Variants in LCORL observed in about 807,000 individuals in gnomAD.
The protein encoded by LCORL is ligand dependent nuclear receptor corepressor like, also known as ligand-dependent nuclear receptor corepressor-like protein.
Under a neutral mutation model 141.8 loss-of-function variants are expected in LCORL, and 41 were observed. That is an observed-to-expected ratio of 0.29 (90% CI 0.23 to 0.38). The LOEUF (loss-of-function observed/expected upper bound fraction) is 0.38, where lower values mean the gene tolerates loss of function less well. Among genes scored for constraint, LCORL ranks in the 10% least tolerant of loss-of-function variants. The pLI is 1.00. For missense variants in LCORL, 1,759 were observed against 2,035.0 expected (o/e 0.86, Z 2.61); for synonymous variants, 618 against 694.1 (o/e 0.89, Z 1.72).
intron 7 of LCORL, among the ~76,000 whole-genome samples, chr4:17,859,045 G>GA (rs933454298): frequency 6.6e-6 from 1 of 152,186 alleles, no homozygotes; most frequent in African/African-American, 2.4e-5. Context: ...TTAACTTAGA[G>GA]TTTTTCAACT....
chr4:17,911,329 GCATATTATAAAAAACCT>G (rs1178614287), intron 4 of LCORL, among the ~76,000 whole-genome samples: 25 of 151,988 alleles, frequency 1.6e-4, no homozygotes, highest in African/African-American at 6.0e-4. Flanking sequence ...CATGGAAAAC[GCATATTATAAAAAACCT>G]ATGCATAGGT....
At chr4:17,854,856 C>G (rs1724170418) in intron 7 of LCORL, among the ~76,000 whole-genome samples, 1 of 152,130 alleles carries the variant, frequency 6.6e-6, no homozygotes, top group African/African-American at 2.4e-5. Flanking sequence ...GAACCAGACT[C>G]TGAAGACCAA....
chr4:18,011,138 C>T (rs1216257206), intron 1 of LCORL, among the ~76,000 whole-genome samples: 1 of 152,166 alleles, frequency 6.6e-6, no homozygotes. Context: ...GACCACCTGA[C>T]TCCCCCATCA....
At chr4:17,876,998 G>A in exon 7 of LCORL, 1 of 1,230,520 alleles carries the variant, frequency 8.1e-7, no homozygotes, top group Non-Finnish European at 1.0e-6. Flanking sequence ...ATTCTCCTTT[G>A]TCTGATGAAG....
At chr4:17,879,679 A>G (rs1220705969) in intron 6 of LCORL, among the ~76,000 whole-genome samples, 1 of 151,026 alleles carries the variant, frequency 6.6e-6, no homozygotes, top group Non-Finnish European at 1.5e-5. Flanking sequence ...ATGGTTAACT[A>G]CCAAAGATTA....
chr4:18,013,661 T>C (rs1577737825), intron 1 of LCORL, among the ~76,000 whole-genome samples: 1 of 152,208 alleles, frequency 6.6e-6, no homozygotes, highest in Non-Finnish European at 1.5e-5. Flanking sequence ...AAACAGTTTA[T>C]AATTTAAACA....
intron 3 of LCORL, 149 bp downstream of exon 3, chr4:17,962,821 T>C: frequency 4.8e-6 from 2 of 419,950 alleles, no homozygotes; most frequent in Middle Eastern, 6.5e-4. Flanking sequence ...ATTTCTAATA[T>C]GACTTTAAAA....
At chr4:17,909,168 T>A (rs779667182) in exon 5 of LCORL, 6 of 1,612,902 alleles carry the variant, frequency 3.7e-6, no homozygotes, top group Admixed American at 1.7e-5. Context: ...CTGAAGGGAG[T>A]TTTCTGCTTG....
At chr4:17,889,338 T>C (rs1048805520) in intron 5 of LCORL, among the ~76,000 whole-genome samples, 5 of 152,094 alleles carry the variant, frequency 3.3e-5, no homozygotes, top group African/African-American at 1.2e-4. Context: ...ATCTAGGCTA[T>C]GTTAAAAGTT....
At chr4:17,912,163 A>G in intron 4 of LCORL, 1 of 1,021,440 alleles carries the variant, frequency 9.8e-7, no homozygotes, top group Non-Finnish European at 1.5e-6. Flanking sequence ...GCAGATCGAC[A>G]ATGCCCGTCT....
At chr4:17,985,218 A>G (rs1341652048) in intron 1 of LCORL, among the ~76,000 whole-genome samples, 1 of 152,014 alleles carries the variant, frequency 6.6e-6, no homozygotes, top group Non-Finnish European at 1.5e-5. Flanking sequence ...GTGATGTGCC[A>G]TGTGGTGATG....
intron 7 of LCORL, among the ~76,000 whole-genome samples, chr4:17,850,800 A>G (rs1723573198): frequency 6.6e-6 from 1 of 152,024 alleles, no homozygotes; most frequent in South Asian, 2.1e-4. Flanking sequence ...AGGATTATAA[A>G]TCATGCTGCT....
At chr4:17,901,868 G>A (rs935920809) in intron 5 of LCORL, among the ~76,000 whole-genome samples, 3 of 151,948 alleles carry the variant, frequency 2.0e-5, no homozygotes, top group African/African-American at 7.2e-5. Flanking sequence ...AAACAATATA[G>A]GATATTATAT....
intron 2 of LCORL, among the ~76,000 whole-genome samples, chr4:17,963,546 C>T (rs1413488644): frequency 6.6e-6 from 1 of 151,764 alleles, no homozygotes; most frequent in Non-Finnish European, 1.5e-5. Flanking sequence ...AAAGTCAGAA[C>T]AGATTTTTAT....
chr4:17,938,326 C>T (rs1737220636), intron 4 of LCORL, among the ~76,000 whole-genome samples: 1 of 151,574 alleles, frequency 6.6e-6, no homozygotes, highest in Non-Finnish European at 1.5e-5. Flanking sequence ...AACTTCTATC[C>T]TACTGGACTT....
chr4:17,961,005 C>T (rs549949496), intron 4 of LCORL, among the ~76,000 whole-genome samples: 1 of 152,150 alleles, frequency 6.6e-6, no homozygotes, highest in South Asian at 2.1e-4. Flanking sequence ...CAGTCAAGTA[C>T]TATTTTAAAC....
exon 7 of LCORL, chr4:17,876,526 T>C (rs1726941129): frequency 1.6e-6 from 2 of 1,230,860 alleles, no homozygotes; most frequent in Admixed American, 4.2e-5. Context: ...TTTAGGTCTA[T>C]ATTGTGTGAG....
At chr4:17,952,036 C>T (rs539951787) in intron 4 of LCORL, among the ~76,000 whole-genome samples, 171 of 152,282 alleles carry the variant, frequency 1.1e-3, no homozygotes, top group African/African-American at 4.1e-3. Flanking sequence ...CACTATAATA[C>T]TAACCAGTCA....
intron 6 of LCORL, chr4:17,883,100 A>C (rs1727792322): frequency 1.0e-6 from 1 of 970,048 alleles, no homozygotes; most frequent in African/African-American, 1.8e-5. Flanking sequence ...ATAAATATTA[A>C]ATTTCATTAT....
Sources: allele counts gnomAD v4.1 joint callset (sites outside exome capture counted in the v4.1 genomes callset), GRCh38; gene constraint gnomAD v4.1.1; transcripts MANE v1.5; gene names NCBI Gene and HGNC (gene_info 2026-07-23, HGNC 2026-07-21).